The following PTPRR variants were observed in gnomAD, a reference collection of about 807,000 sequenced individuals.
The protein encoded by PTPRR is protein tyrosine phosphatase receptor type R.
Under a neutral mutation model 77.2 loss-of-function variants are expected in PTPRR, and 38 were observed. The observed-to-expected ratio is 0.49, with a 90% CI of 0.38 to 0.65. The LOEUF (loss-of-function observed/expected upper bound fraction) is 0.65, where lower values mean the gene tolerates loss of function less well. Ranked by LOEUF, PTPRR falls within the 30% of genes least tolerant of loss-of-function variation. The pLI is 0.00. For missense variants in PTPRR, 744 were observed against 799.2 expected (o/e 0.93, Z 0.83); for synonymous variants, 299 against 283.1 (o/e 1.06, Z -0.57).
At chr12:70,707,103 C>G (rs531482320) in intron 6 of PTPRR, among the ~76,000 whole-genome samples, 4 of 152,218 alleles carry the variant, frequency 2.6e-5, no homozygotes, top group South Asian at 4.1e-4. Flanking sequence ...AGCAGTATCA[C>G]ACATGCAAAA....
At chr12:70,808,303 A>C (rs1565704100) in intron 2 of PTPRR, among the ~76,000 whole-genome samples, 4 of 152,086 alleles carry the variant, frequency 2.6e-5, no homozygotes. Flanking sequence ...TTCATTAGTG[A>C]TTCTAGTTGC....
At chr12:70,888,042 G>C (rs1893272202) in intron 2 of PTPRR, among the ~76,000 whole-genome samples, 1 of 152,106 alleles carries the variant, frequency 6.6e-6, no homozygotes, top group Non-Finnish European at 1.5e-5. Context: ...GTGTGTGTGT[G>C]TGGTGTGATA....
chr12:70,898,720 G>T (rs1473082703), intron 1 of PTPRR, among the ~76,000 whole-genome samples: 2 of 150,972 alleles, frequency 1.3e-5, no homozygotes, highest in African/African-American at 4.8e-5. Context: ...TAAAATAAAT[G>T]TAAAGAAATT....
At chr12:70,733,427 CAAAAAAA>C (rs764791536) in intron 6 of PTPRR, among the ~76,000 whole-genome samples, 1 of 27,058 alleles carries the variant, frequency 3.7e-5, no homozygotes, top group South Asian at 1.4e-3. Flanking sequence ...CAAACAACAA[CAAAAAAA>C]AAAAAAAAAA....
At chr12:70,658,883 G>GTTTTTTTTTTTTTTTTTTTTTTTTTTTTT (rs746595856) in intron 12 of PTPRR, among the ~76,000 whole-genome samples, 2 of 36,936 alleles carry the variant, frequency 5.4e-5, no homozygotes, top group Non-Finnish European at 9.7e-5. Flanking sequence ...TTTTGCTCTA[G>GTTTTTTTTTTTTTTTTTTTTTTTTTTTTT]TTTTTTTTTT....
chr12:70,687,245 C>G (rs1418950526), intron 8 of PTPRR, among the ~76,000 whole-genome samples: 1 of 37,592 alleles, frequency 2.7e-5, no homozygotes, highest in Non-Finnish European at 8.9e-5. Flanking sequence ...AGGCCATTAT[C>G]AAAGATGATG....
intron 7 of PTPRR, among the ~76,000 whole-genome samples, chr12:70,699,979 A>G (rs1215436313): frequency 2.0e-5 from 3 of 152,144 alleles, no homozygotes; most frequent in Non-Finnish European, 4.4e-5. Context: ...CTTATTTCAT[A>G]AACAAAGAGC....
rs532871799 is a variant in PTPRR, at chr12:70,819,082, AG to A, written c.358-54305del. Among the ~76,000 whole-genome samples, 98 of 152,340 alleles carry A rather than the reference AG, an allele frequency of 6.4e-4. 1 individual carries two copies. Among genetic ancestry groups the A allele is most frequent in the African/African-American group, 2.3e-3 (94 of 41,586 alleles). The stretch of plus-strand genomic sequence containing the variant: ...ACACCTGTAATCCCGGCATTTTGGG[AG>A]GCCAAGGCAGGCAGATCACTTGAGA... On this transcript the variant is annotated intron_variant, in intron 2 of 13. Transcript: ENST00000283228.
At chr12:70,910,350 A>G (rs1893682687) in intron 1 of PTPRR, among the ~76,000 whole-genome samples, 1 of 152,200 alleles carries the variant, frequency 6.6e-6, no homozygotes, top group South Asian at 2.1e-4. Flanking sequence ...TACATGAGTT[A>G]AGGCATATTT....
chr12:70,726,963 G>A (rs1004036789), intron 6 of PTPRR, among the ~76,000 whole-genome samples: 5 of 152,032 alleles, frequency 3.3e-5, no homozygotes, highest in Middle Eastern at 6.8e-3. Context: ...TTACGCAGGG[G>A]ATGGCTAGGG....
chr12:70,695,607 G>A (rs1186170325), intron 8 of PTPRR, among the ~76,000 whole-genome samples: 1 of 152,186 alleles, frequency 6.6e-6, no homozygotes. Flanking sequence ...AAATGGAGAA[G>A]GCTGAACTTT....
intron 2 of PTPRR, among the ~76,000 whole-genome samples, chr12:70,886,719 A>T (rs928729388): frequency 1.3e-5 from 2 of 152,228 alleles, no homozygotes; most frequent in Non-Finnish European, 2.9e-5. Flanking sequence ...TGCATATTCA[A>T]TCATATTTTC....
intron 1 of PTPRR, among the ~76,000 whole-genome samples, chr12:70,904,022 G>A (rs928301808): frequency 6.6e-6 from 1 of 151,822 alleles, no homozygotes; most frequent in Non-Finnish European, 1.5e-5. Flanking sequence ...ATTAAAAATT[G>A]TGATATGATA....
At chr12:70,750,061 G>A (rs1449339067) in intron 5 of PTPRR, among the ~76,000 whole-genome samples, 6 of 151,966 alleles carry the variant, frequency 3.9e-5, no homozygotes, top group Non-Finnish European at 5.9e-5. Flanking sequence ...TCTATTTGTC[G>A]CTCCACCCAC....
rs1491051040 is a variant in PTPRR, at chr12:70,669,587, CAA to C, written c.1498-6984_1498-6983del. Among the ~76,000 whole-genome samples the C allele has an allele frequency of 7.3e-5, 11 of 150,900 alleles. No individual in the cohort carries two copies. In the South Asian group the frequency reaches 1.3e-3, roughly 17 times the overall value. On this transcript the variant is annotated intron_variant, in intron 10 of 13. Transcript: ENST00000283228. ...ACACACACACACACACACACACACA[CAA>C]GCTTGCACACTGTCAGCCAGGCTGG...
In PTPRR at chr12:70,639,195, T is replaced by C. The variant is rs779044270; in HGVS notation, c.1963A>G (p.Thr655Ala). The change falls in exon 14 of 14, where the codon ACT (threonine) becomes GCT (alanine). Residue 655 changes from threonine (T) to alanine (A), a missense_variant. By Grantham distance (58) the Thr-to-Ala change is moderately conservative (BLOSUM62 0). Transcript: ENST00000283228. ...CLYESRLSAE[T>A]VQ ...AAGTCTTCAATGACTCACTGGACAGTCTCTGCTGAAAGTCTGCTCTCATAC... is the reference window on the plus strand; with the variant it reads ...AAGTCTTCAATGACTCACTGGACAGCCTCTGCTGAAAGTCTGCTCTCATAC... The C allele has an allele frequency of 6.2e-7, 1 of 1,613,090 alleles. No individual in the cohort carries two copies. The highest frequency in any genetic ancestry group is 8.5e-7 in the Non-Finnish European group (1 of 1,179,748).
intron 2 of PTPRR, among the ~76,000 whole-genome samples, chr12:70,858,169 C>T (rs1309988269): frequency 6.6e-6 from 1 of 152,080 alleles, no homozygotes; most frequent in Non-Finnish European, 1.5e-5. Flanking sequence ...GTGTGAGGCT[C>T]TTCTTAATTG....
At chr12:70,684,472 C>T (rs772010864) in intron 9 of PTPRR, among the ~76,000 whole-genome samples, 5 of 152,006 alleles carry the variant, frequency 3.3e-5, no homozygotes, top group Non-Finnish European at 7.4e-5. Flanking sequence ...ATGCCCAGTC[C>T]CCAGCAGAGT....
At chr12:70,805,259 A>G (rs1292514702) in intron 2 of PTPRR, among the ~76,000 whole-genome samples, 5 of 151,976 alleles carry the variant, frequency 3.3e-5, no homozygotes, top group Admixed American at 2.6e-4. Flanking sequence ...GTGCTTTCTT[A>G]GAATTTATAG....
Sources: gnomAD v4.1 joint callset for allele counts (sites outside exome capture counted in the v4.1 genomes callset) on GRCh38, gnomAD v4.1.1 for gene constraint, MANE v1.5 for transcripts, NCBI Gene and HGNC (gene_info 2026-07-23, HGNC 2026-07-21) for gene names.